The following PKHD1 variants were observed in gnomAD, a reference collection of about 807,000 sequenced individuals.
PKHD1 encodes the protein fibrocystin.
Under a neutral mutation model 412.0 loss-of-function variants are expected in PKHD1, and 291 were observed. That is an observed-to-expected ratio of 0.71 (90% CI 0.64 to 0.78). The LOEUF (loss-of-function observed/expected upper bound fraction) is 0.78. Among genes scored for constraint, PKHD1 ranks in the 30% least tolerant of loss-of-function variants. The probability of loss-of-function intolerance (pLI) is 0.00; values close to 1 mark genes in which losing one functional copy is unlikely to be tolerated. For missense variants in PKHD1, 4,825 were observed against 4,950.7 expected, an observed-to-expected ratio of 0.97 and a Z score of 0.76; for synonymous variants, 1,777 against 1,821.5, an observed-to-expected ratio of 0.98 and a Z score of 0.62.
chr6:51,888,265 G>A (rs1343022585), intron 43 of PKHD1, among the ~76,000 whole-genome samples: 2 of 152,140 alleles, frequency 1.3e-5, no homozygotes, highest in African/African-American at 4.8e-5. Flanking sequence ...TGTATTTTAT[G>A]TGTTCATATA....
At chr6:51,741,312 C>G (rs1784521787) in intron 60 of PKHD1, among the ~76,000 whole-genome samples, 1 of 152,174 alleles carries the variant, frequency 6.6e-6, no homozygotes, top group Admixed American at 6.5e-5. Flanking sequence ...CCTTCATACA[C>G]CAAAGGCTGC....
At chr6:52,036,038 T>C (rs1314730842) in intron 27 of PKHD1, among the ~76,000 whole-genome samples, 1 of 152,148 alleles carries the variant, frequency 6.6e-6, no homozygotes, top group African/African-American at 2.4e-5. Context: ...ATTTTGAATA[T>C]CATTCCTGCA....
chr6:51,825,545 G>C (rs1767159200), intron 52 of PKHD1, among the ~76,000 whole-genome samples: 1 of 152,126 alleles, frequency 6.6e-6, no homozygotes, highest in African/African-American at 2.4e-5. Flanking sequence ...TCAAGGCCCA[G>C]CCATATGAAT....
At chr6:51,774,899 T>A (rs532317225) in intron 54 of PKHD1, among the ~76,000 whole-genome samples, 1 of 151,940 alleles carries the variant, frequency 6.6e-6, no homozygotes, top group Admixed American at 6.6e-5. Flanking sequence ...AATGTTCATA[T>A]TTTTTCTTTT....
rs1266879 is a variant in PKHD1, at chr6:51,920,403, G to A, written c.6122-7827C>T. ...GATAATCATGTGGTTTTTGTCTTTG[G>A]TTCGGTTTATATGCTGGATTACATT... On this transcript the variant is annotated intron_variant, in intron 37 of 66. Transcript: ENST00000371117. 3.5e-3 allele frequency among the ~76,000 whole-genome samples: 538 copies of A among 152,220 alleles called. 1 individual carries two copies. Among genetic ancestry groups the A allele is most frequent in the African/African-American group, 0.012 (514 of 41,528 alleles).
Position 52,024,574 on chromosome 6 carries a change from C to A in PKHD1, c.5236G>T (p.Gly1746Cys). 1 of 1,613,698 alleles carries A rather than the reference C, an allele frequency of 6.2e-7. No individual in the cohort carries two copies. Among genetic ancestry groups the A allele is most frequent in the Non-Finnish European group, 8.5e-7 (1 of 1,179,798 alleles). The change falls in exon 32 of 67, where the codon GGC becomes TGC. Residue 1746 changes from glycine (G) to cysteine (C), a missense_variant and splice_region_variant. Coordinates refer to ENST00000371117, the MANE Select transcript of PKHD1 (RefSeq NM_138694.4). ...GTGCTGTCTTATTTGCTTGACTTAC[C>A]GAAGTTCTCCGTCACTGCTGTAATA... is the stretch of plus-strand genomic sequence containing the variant. ...VIITAVTENFGCLGGRLVHVF... is the reference protein window; with the variant it reads ...VIITAVTENFCCLGGRLVHVF...
chr6:51,988,791 G>C (rs1012355063), intron 35 of PKHD1, among the ~76,000 whole-genome samples: 8 of 152,152 alleles, frequency 5.3e-5, no homozygotes, highest in African/African-American at 1.9e-4. Context: ...CAAGGACCCA[G>C]GACCTTGGCG....
chr6:51,960,253 C>T (rs748316798), intron 35 of PKHD1, among the ~76,000 whole-genome samples: 14 of 152,020 alleles, frequency 9.2e-5, no homozygotes, highest in Non-Finnish European at 1.2e-4. Context: ...ATACAACTAA[C>T]CTAAACAGGA....
intron 35 of PKHD1, among the ~76,000 whole-genome samples, chr6:52,003,728 G>C (rs1182171834): frequency 6.6e-6 from 1 of 152,090 alleles, no homozygotes; most frequent in Non-Finnish European, 1.5e-5. Context: ...ATAAGATCTT[G>C]CCTAGAACTT....
intron 43 of PKHD1, among the ~76,000 whole-genome samples, chr6:51,900,881 A>G (rs886590829): frequency 6.6e-6 from 1 of 152,280 alleles, no homozygotes; most frequent in Non-Finnish European, 1.5e-5. Context: ...ACTTCTCAAA[A>G]GAAGACATTT....
At chr6:51,996,397 C>T (rs1367530485) in intron 35 of PKHD1, among the ~76,000 whole-genome samples, 1 of 152,142 alleles carries the variant, frequency 6.6e-6, no homozygotes, top group East Asian at 1.9e-4. Context: ...CCCTAGATTG[C>T]TCTTTTCTTT....
chr6:51,760,854 C>T (rs1787880816), intron 55 of PKHD1, among the ~76,000 whole-genome samples: 1 of 152,002 alleles, frequency 6.6e-6, no homozygotes. Context: ...CAGTTTCTTC[C>T]TTGTAAATAA....
intron 46 of PKHD1, among the ~76,000 whole-genome samples, chr6:51,874,037 A>G (rs181999411): frequency 8.8e-4 from 134 of 152,304 alleles, no homozygotes; most frequent in Admixed American, 2.5e-3. Flanking sequence ...GGGCCCTACA[A>G]CAGAATTTAG....
Position 51,914,705 on chromosome 6 carries a change from T to C in PKHD1, c.6122-2129A>G, listed in dbSNP as rs536555332. On this transcript the variant is annotated intron_variant, in intron 37 of 66. Transcript: ENST00000371117. ...ATTTGCTGCTTGACTTCAAAGACTC[T>C]CCATAATGTGACCCTACTTTATGGT... Among the ~76,000 whole-genome samples, 20 of 152,202 alleles carry C rather than the reference T, an allele frequency of 1.3e-4. No individual in the cohort carries two copies. In the South Asian group the frequency reaches 3.7e-3, roughly 28 times the overall value.
chr6:51,952,738 G>A (rs955642042), intron 36 of PKHD1, among the ~76,000 whole-genome samples: 1 of 152,056 alleles, frequency 6.6e-6, no homozygotes, highest in African/African-American at 2.4e-5. Context: ...CAAGAGTTAA[G>A]AGTGAACTTC....
At chr6:51,815,219 A>C (rs1765259430) in intron 52 of PKHD1, among the ~76,000 whole-genome samples, 1 of 152,366 alleles carries the variant, frequency 6.6e-6, no homozygotes, top group African/African-American at 2.4e-5. Context: ...CTATAAGCCA[A>C]ATCCTCTGCT....
chr6:51,941,553 C>T (rs150083668), intron 36 of PKHD1, among the ~76,000 whole-genome samples: 1 of 151,408 alleles, frequency 6.6e-6, no homozygotes, highest in Admixed American at 6.6e-5. Flanking sequence ...CCGCACCCAG[C>T]CCAGCATGGC....
chr6:51,712,660 C>A (rs1440597150), intron 60 of PKHD1, among the ~76,000 whole-genome samples: 5 of 152,158 alleles, frequency 3.3e-5, no homozygotes, highest in African/African-American at 1.2e-4. Flanking sequence ...TGATTCTTAT[C>A]TTTCCTCTGA....
chr6:51,797,903 T>C (rs1209853612), intron 52 of PKHD1, among the ~76,000 whole-genome samples: 3 of 152,234 alleles, frequency 2.0e-5, no homozygotes, highest in Non-Finnish European at 4.4e-5. Flanking sequence ...ATAGTGTCAC[T>C]GGTCTGTGTA....
Sources: gnomAD v4.1 joint callset for allele counts (sites outside exome capture counted in the v4.1 genomes callset) on GRCh38, gnomAD v4.1.1 for gene constraint, MANE v1.5 for transcripts, NCBI Gene and HGNC (gene_info 2026-07-23, HGNC 2026-07-21) for gene names.